Variants in ZEB1 observed in about 807,000 individuals in gnomAD.
The protein encoded by ZEB1 is zinc finger E-box binding homeobox 1.
ZEB1 carries 21 observed loss-of-function variants against 84.9 expected under a neutral mutation model. That is an observed-to-expected ratio of 0.25 (90% CI 0.18 to 0.36). The LOEUF (loss-of-function observed/expected upper bound fraction) is 0.36. Ranked by LOEUF, ZEB1 falls within the 10% of genes least tolerant of loss-of-function variation. ZEB1 has a pLI of 1.00. For synonymous variants in ZEB1, 420 were observed against 471.1 expected, an observed-to-expected ratio of 0.89 and a Z score of 1.41; for missense variants, 1,104 against 1,330.2, an observed-to-expected ratio of 0.83 and a Z score of 2.65.
chr10:31,436,567 C>G (rs571020892), intron 1 of ZEB1, among the ~76,000 whole-genome samples: 35 of 152,154 alleles, frequency 2.3e-4, no homozygotes, highest in African/African-American at 7.9e-4. Flanking sequence ...TAATCTAAGT[C>G]TTAGTTTCAT....
intron 1 of ZEB1, among the ~76,000 whole-genome samples, chr10:31,360,202 T>C (rs548197471): frequency 6.6e-6 from 1 of 152,322 alleles, no homozygotes; most frequent in East Asian, 1.9e-4. Context: ...AGTCTCTTTT[T>C]TAACATGGTA....
intron 1 of ZEB1, among the ~76,000 whole-genome samples, chr10:31,456,381 C>T (rs1011556614): frequency 6.6e-6 from 1 of 151,850 alleles, no homozygotes; most frequent in Non-Finnish European, 1.5e-5. Flanking sequence ...TGCGATGTAC[C>T]CCAGAACTTA....
At chr10:31,377,418 T>C (rs1251092235) in intron 1 of ZEB1, among the ~76,000 whole-genome samples, 2 of 151,746 alleles carry the variant, frequency 1.3e-5, no homozygotes, top group East Asian at 1.9e-4. Flanking sequence ...GTTACAATTA[T>C]GAGGCCATCT....
At chr10:31,411,602 G>A (rs1388347435) in intron 1 of ZEB1, among the ~76,000 whole-genome samples, 1 of 137,896 alleles carries the variant, frequency 7.3e-6, no homozygotes, top group Admixed American at 7.6e-5. Flanking sequence ...ACTGCAGTCC[G>A]CAGTCCGGCC....
At chr10:31,442,833 A>G (rs1382986448) in intron 1 of ZEB1, among the ~76,000 whole-genome samples, 2 of 152,232 alleles carry the variant, frequency 1.3e-5, no homozygotes, top group Non-Finnish European at 2.9e-5. Flanking sequence ...AGGACTGATA[A>G]TTGTCATTGC....
chr10:31,379,304 A>T (rs1158032744), intron 1 of ZEB1, among the ~76,000 whole-genome samples: 1 of 151,958 alleles, frequency 6.6e-6, no homozygotes, highest in African/African-American at 2.4e-5. Context: ...ATACCCCATA[A>T]ACTGTCATCT....
chr10:31,427,022 AT>A (rs1431047565), intron 1 of ZEB1, among the ~76,000 whole-genome samples: 1 of 151,964 alleles, frequency 6.6e-6, no homozygotes, highest in African/African-American at 2.4e-5. Flanking sequence ...GGAAAATACC[AT>A]TTGCATCATT....
chr10:31,477,855 A>G (rs1204192457), intron 2 of ZEB1, among the ~76,000 whole-genome samples: 1 of 152,124 alleles, frequency 6.6e-6, no homozygotes, highest in Non-Finnish European at 1.5e-5. Context: ...ATATTAAAAA[A>G]TTAACTCAAG....
chr10:31,435,849 T>C (rs1489155550), intron 1 of ZEB1, among the ~76,000 whole-genome samples: 1 of 152,108 alleles, frequency 6.6e-6, no homozygotes, highest in East Asian at 1.9e-4. Context: ...TGCTGTGTGG[T>C]AAATGGAAAC....
At chr10:31,523,429 G>A (rs2072784309) in intron 7 of ZEB1, among the ~76,000 whole-genome samples, 1 of 152,188 alleles carries the variant, frequency 6.6e-6, no homozygotes, top group Non-Finnish European at 1.5e-5. Flanking sequence ...AAAGAACCCT[G>A]AAGTTCTGGA....
chr10:31,482,109 C>A (rs750957521), intron 2 of ZEB1, among the ~76,000 whole-genome samples: 1 of 151,994 alleles, frequency 6.6e-6, no homozygotes, highest in Non-Finnish European at 1.5e-5. Context: ...CTGGCAGGCA[C>A]CACCTTAACC....
chr10:31,501,764 CAAGAACTAT>C (rs1346949896), intron 3 of ZEB1, among the ~76,000 whole-genome samples: 8 of 152,114 alleles, frequency 5.3e-5, no homozygotes, highest in Non-Finnish European at 1.2e-4. Context: ...AGAGTTGCAA[CAAGAACTAT>C]AATAAAATAC....
chr10:31,319,151 G>A (rs1296608567), upstream of ZEB1: 8 of 882,030 alleles, frequency 9.1e-6, no homozygotes, highest in Middle Eastern at 3.5e-4. Context: ...GGGGAGGGGG[G>A]AGGGGTGGAG....
At chr10:31,377,228 A>C (rs1194991899) in intron 1 of ZEB1, among the ~76,000 whole-genome samples, 1 of 151,628 alleles carries the variant, frequency 6.6e-6, no homozygotes, top group Non-Finnish European at 1.5e-5. Context: ...TGTCTATTGA[A>C]AACCACTAGC....
intron 2 of ZEB1, among the ~76,000 whole-genome samples, chr10:31,477,167 G>T (rs977077514): frequency 6.6e-6 from 1 of 151,868 alleles, no homozygotes; most frequent in African/African-American, 2.4e-5. Context: ...AAATCCTAAA[G>T]ACTCCTAGAC....
intron 1 of ZEB1, chr10:31,321,711 T>A (rs946384538): frequency 1.2e-6 from 1 of 860,986 alleles, no homozygotes; most frequent in South Asian, 1.5e-5. Context: ...ATTTTTCTCC[T>A]TGAGATCCTG....
At chr10:31,413,215 A>T (rs113042283) in intron 1 of ZEB1, among the ~76,000 whole-genome samples, 1 of 152,232 alleles carries the variant, frequency 6.6e-6, no homozygotes, top group Non-Finnish European at 1.5e-5. Flanking sequence ...TAGTATAGAC[A>T]TATAGAAGGA....
At chr10:31,421,188 A>T (rs1286159625) in intron 1 of ZEB1, among the ~76,000 whole-genome samples, 1 of 152,022 alleles carries the variant, frequency 6.6e-6, no homozygotes, top group Non-Finnish European at 1.5e-5. Flanking sequence ...GGAGAACCTT[A>T]CTTAGATGGG....
intron 1 of ZEB1, among the ~76,000 whole-genome samples, chr10:31,451,740 T>A (rs1392421937): frequency 6.6e-6 from 1 of 152,158 alleles, no homozygotes; most frequent in Non-Finnish European, 1.5e-5. Context: ...AATTAGCTCA[T>A]TGAGTGGATG....
Sources: gnomAD v4.1 joint callset for allele counts (sites outside exome capture counted in the v4.1 genomes callset) on GRCh38, gnomAD v4.1.1 for gene constraint, MANE v1.5 for transcripts, NCBI Gene and HGNC (gene_info 2026-07-23, HGNC 2026-07-21) for gene names.